The following TRAPPC11 variants were observed in gnomAD, a reference collection of about 807,000 sequenced individuals.
TRAPPC11 encodes trafficking protein particle complex subunit 11.
Under a neutral mutation model 151.2 loss-of-function variants are expected in TRAPPC11, and 104 were observed. That is an observed-to-expected ratio of 0.69 (90% CI 0.59 to 0.81). TRAPPC11 has a LOEUF of 0.81. Ranked by LOEUF, TRAPPC11 falls within the 30% of genes least tolerant of loss-of-function variation. The pLI is 0.00. For synonymous variants in TRAPPC11, 456 were observed against 472.3 expected (o/e 0.97, Z 0.45); for missense variants, 1,230 against 1,349.6 (o/e 0.91, Z 1.39).
intron 26 of TRAPPC11, among the ~76,000 whole-genome samples, chr4:183,704,668 C>T (rs1736964291): frequency 1.3e-5 from 2 of 151,998 alleles, no homozygotes; most frequent in African/African-American, 4.8e-5. Flanking sequence ...AAAAAATTAG[C>T]CAGGCGTGGT....
chr4:183,663,444 A>G (rs1734666343), intron 1 of TRAPPC11, among the ~76,000 whole-genome samples: 1 of 152,198 alleles, frequency 6.6e-6, no homozygotes, highest in African/African-American at 2.4e-5. Context: ...CGTGTTAGCC[A>G]GGATGGTCTC....
chr4:183,673,393 G>T (rs935064523), intron 5 of TRAPPC11, among the ~76,000 whole-genome samples: 1 of 152,114 alleles, frequency 6.6e-6, no homozygotes, highest in Non-Finnish European at 1.5e-5. Context: ...ATCTTAAAAG[G>T]CCGGACATGA....
rs1167621388 is a variant in TRAPPC11, at chr4:183,713,295, A to G, written c.*651A>G. On this transcript the variant is annotated 3_prime_UTR_variant, in exon 30 of 30. Coordinates refer to ENST00000334690, the MANE Select transcript of TRAPPC11 (RefSeq NM_021942.6). ...TTTTAGAGGTGTTAATAAAATCCTC[A>G]TCGGAAAAGATCCAAAGTGCAAGGA... 1 of 152,450 alleles carries G rather than the reference A, an allele frequency of 6.6e-6. No individual in the cohort carries two copies. Among genetic ancestry groups the G allele is most frequent in the African/African-American group, 2.4e-5 (1 of 41,472 alleles). The allele number at this position is 152,450 out of a possible 1,614,324, so 9.4% of individuals were successfully genotyped here.
chr4:183,659,973 C>G (rs150190623), intron 1 of TRAPPC11, among the ~76,000 whole-genome samples: 10 of 152,266 alleles, frequency 6.6e-5, no homozygotes, highest in Non-Finnish European at 1.3e-4. Flanking sequence ...TTATCTTTCA[C>G]GCTAGTTTCC....
At position 183,667,046 on chromosome 4, in the gene TRAPPC11, C is replaced by T. The variant is rs765501476; in HGVS notation, c.375-14C>T. 11 of 1,584,820 alleles carry T rather than the reference C, an allele frequency of 6.9e-6. No homozygotes were observed. Among genetic ancestry groups the T allele is most frequent in the Non-Finnish European group, 4.3e-6 (5 of 1,160,642 alleles). On this transcript the variant is annotated splice_polypyrimidine_tract_variant and intron_variant, in intron 3 of 29. Transcript: ENST00000334690. ...GTTAAAATAATTAATTTTATTCTTG[C>T]TTTTTCATTGCAGGCAAAGTTTACA...
chr4:183,663,524 C>T (rs1303546554), intron 1 of TRAPPC11, among the ~76,000 whole-genome samples: 3 of 152,058 alleles, frequency 2.0e-5, no homozygotes, highest in African/African-American at 4.8e-5. Context: ...TGAGTCACCA[C>T]GACCAACCAA....
chr4:183,703,071 ATTGT>A (rs1736880671), intron 26 of TRAPPC11, among the ~76,000 whole-genome samples: 1 of 152,194 alleles, frequency 6.6e-6, no homozygotes, highest in East Asian at 1.9e-4. Flanking sequence ...GGTATGACTT[ATTGT>A]TTTCATGTTA....
At chr4:183,691,186 AC>A in intron 18 of TRAPPC11, 129 bp from the exon 19 acceptor site, 1 of 646,498 alleles carries the variant, frequency 1.5e-6, no homozygotes, top group Non-Finnish European at 2.4e-6. Context: ...CATAAAAAAT[AC>A]TTCCTTTTAT....
chr4:183,690,674 C>T (rs919675266), intron 18 of TRAPPC11, among the ~76,000 whole-genome samples: 2 of 152,040 alleles, frequency 1.3e-5, no homozygotes, highest in South Asian at 2.1e-4. Flanking sequence ...TGAAAGAAAG[C>T]AAAGGAATGG....
intron 20 of TRAPPC11, 40 bp from the exon 21 acceptor site, chr4:183,693,549 T>C: frequency 6.4e-7 from 1 of 1,569,560 alleles, no homozygotes; most frequent in South Asian, 1.2e-5. Flanking sequence ...TTATTTGCTT[T>C]TTTTTTGATC....
chr4:183,690,818 AT>A (rs1031402433), intron 18 of TRAPPC11, among the ~76,000 whole-genome samples: 1 of 152,134 alleles, frequency 6.6e-6, no homozygotes, highest in African/African-American at 2.4e-5. Flanking sequence ...AAATAGAAAA[AT>A]TAGTCTAGTG....
rs201263451 is a variant in TRAPPC11 at position 183,684,044 on chromosome 4, T to C, written c.1277T>C (p.Val426Ala). 127 of 1,613,866 alleles carry C rather than the reference T, an allele frequency of 7.9e-5. No homozygotes were observed. The highest frequency in any genetic ancestry group is 1.6e-4 in the Middle Eastern group (1 of 6,062). Residue 426 changes from valine (V) to alanine (A), a missense_variant, in exon 12 of 30, where the codon GTT becomes GCT. Coordinates refer to ENST00000334690, the MANE Select transcript of TRAPPC11 (RefSeq NM_021942.6). ...ILAIQLKERNVVHSEIIITLL... is the reference protein window; with the variant it reads ...ILAIQLKERNAVHSEIIITLL... ...GCCATTCAGCTGAAGGAGAGAAATG[T>C]TGTTCACTCTGTAAGTTTTGTGTCC... is the stretch of plus-strand genomic sequence containing the variant.
chr4:183,713,527 A>G lies in TRAPPC11; in HGVS notation c.*883A>G, dbSNP rs1298099059. On this transcript the variant is annotated 3_prime_UTR_variant, in exon 30 of 30. Transcript: ENST00000334690. ...ACCTGATTTCCTGGAAAATTTTATTATTCAAAAGGTGGAGGCATTGTAAAA... is the reference window on the plus strand; with the variant it reads ...ACCTGATTTCCTGGAAAATTTTATTGTTCAAAAGGTGGAGGCATTGTAAAA... 6.6e-6 allele frequency: 1 copy of G among 152,662 alleles called. No homozygotes were observed. The highest frequency in any genetic ancestry group is 1.5e-5 in the Non-Finnish European group (1 of 68,026). The allele number at this position is 152,662 out of a possible 1,614,324, so 9.5% of individuals were successfully genotyped here.
intron 29 of TRAPPC11, among the ~76,000 whole-genome samples, chr4:183,709,668 G>A (rs976374504): frequency 6.6e-6 from 1 of 152,112 alleles, no homozygotes; most frequent in Non-Finnish European, 1.5e-5. Flanking sequence ...CCAGCTACTT[G>A]GGAGGCTGAG....
At chr4:183,705,626 T>C (rs1254135629) in intron 27 of TRAPPC11, among the ~76,000 whole-genome samples, 3 of 152,086 alleles carry the variant, frequency 2.0e-5, no homozygotes, top group African/African-American at 7.3e-5. Context: ...TCCCCGCATC[T>C]CTTCCTTGCT....
Position 183,711,030 on chromosome 4 carries a change from CA to C in TRAPPC11, c.3358-1558del, listed in dbSNP as rs1203586963. On this transcript the variant is annotated intron_variant, in intron 29 of 29. Transcript: ENST00000334690. ...TGGGCAACAGAATGAGATGCTGTCT[CA>C]AAAAAAAAAAATTGCCATTCTACAG... 2.9e-3 allele frequency among the ~76,000 whole-genome samples: 403 copies of C among 139,750 alleles called. 1 individual carries two copies. Among genetic ancestry groups the C allele is most frequent in the African/African-American group, 9.2e-3 (351 of 38,254 alleles). 91.7% of individuals were successfully genotyped at this position (139,750 alleles called of 152,430 possible). A position where few individuals can be genotyped will look rare whatever the true frequency, so the allele number is the denominator to read the frequency against.
In TRAPPC11 at chr4:183,685,159, GT is replaced by G; in HGVS notation, c.1629+17del. 6.2e-7 allele frequency: 1 copy of G among 1,613,422 alleles called. No individual in the cohort carries two copies. Among genetic ancestry groups the G allele is most frequent in the Non-Finnish European group, 8.5e-7 (1 of 1,179,534 alleles). ...AATGTTTTAATGGTAGGTTGGAATT[GT>G]TTATATAGAGTGTGTTATTAGGAAT... On this transcript the variant is annotated intron_variant, in intron 16 of 29. Coordinates refer to ENST00000334690, the MANE Select transcript of TRAPPC11 (RefSeq NM_021942.6).
intron 22 of TRAPPC11, among the ~76,000 whole-genome samples, chr4:183,694,309 C>T (rs1416389863): frequency 5.9e-5 from 9 of 152,196 alleles, no homozygotes; most frequent in Admixed American, 5.9e-4. Flanking sequence ...GTTAACTTCT[C>T]AGTCAACTTC....
chr4:183,677,705 C>G, intron 8 of TRAPPC11, 151 bp downstream of exon 8: 1 of 593,690 alleles, frequency 1.7e-6, no homozygotes, highest in Non-Finnish European at 3.0e-6. Context: ...CTCAGAAGGG[C>G]ATCGATTCTT....
Sources: allele counts gnomAD v4.1 joint callset (sites outside exome capture counted in the v4.1 genomes callset), GRCh38; gene constraint gnomAD v4.1.1; transcripts MANE v1.5; gene names NCBI Gene and HGNC (gene_info 2026-07-23, HGNC 2026-07-21).